ALDH6A1: variants seen among roughly 807,000 people sequenced by gnomAD.
The protein encoded by ALDH6A1 is methylmalonate-semialdehyde/malonate-semialdehyde dehydrogenase [acylating], mitochondrial.
A neutral mutation model predicts 62.6 loss-of-function variants in ALDH6A1; 43 were observed. The ratio of observed to expected loss-of-function variants is 0.69; its 90% CI spans 0.54 to 0.89. The LOEUF (loss-of-function observed/expected upper bound fraction) is 0.89, where lower values mean the gene tolerates loss of function less well. Among genes scored for constraint, ALDH6A1 ranks in the 40% least tolerant of loss-of-function variants. The pLI is 0.00. For synonymous variants in ALDH6A1, 194 were observed against 234.2 expected (o/e 0.83, Z 1.57); for missense variants, 551 against 661.3 (o/e 0.83, Z 1.83).
At chr14:74,065,431 C>CT in intron 9 of ALDH6A1, 71 bp from the exon 10 acceptor site, 1 of 1,322,388 alleles carries the variant, frequency 7.6e-7, no homozygotes, top group South Asian at 1.2e-5. Context: ...TTATTTGGTA[C>CT]TTTCACTTAC....
rs1384100747 is a variant in ALDH6A1 at position 74,060,661 on chromosome 14, A to G, written c.1589T>C (p.Met530Thr). 4 of 1,612,562 alleles carry G rather than the reference A, an allele frequency of 2.5e-6. No individual in the cohort carries two copies. The highest frequency in any genetic ancestry group is 2.7e-5 in the African/African-American group (2 of 74,920). Residue 530 changes from methionine (M) to threonine (T), a missense_variant, in exon 12 of 12, where the codon ATG (methionine) becomes ACG (threonine). Coordinates refer to ENST00000553458, the MANE Select transcript of ALDH6A1 (RefSeq NM_005589.4). ...TTGTTTCTAACGGCCCATGGTAGGC[A>G]TGACAACAGCAGGTGAGGAAAGAGT... ...DATLSSPAVVMPTMGR is the reference protein window; with the variant it reads ...DATLSSPAVVTPTMGR
rs1350719358 is a variant in ALDH6A1 at position 74,059,871 on chromosome 14, A to G, written c.*771T>C. The G allele has an allele frequency of 2.6e-5, 4 of 153,444 alleles. No individual in the cohort carries two copies. Among genetic ancestry groups the G allele is most frequent in the Non-Finnish European group, 5.8e-5 (4 of 68,952 alleles). 9.5% of individuals were successfully genotyped at this position (153,444 alleles called of 1,614,324 possible). ...ATCTTAAGCAGGAGCAGTGACAATG[A>G]TAGAATTAATAGTGGTCATGAATTA... On this transcript the variant is annotated 3_prime_UTR_variant, in exon 12 of 12. Transcript: ENST00000553458.
intron 1 of ALDH6A1, among the ~76,000 whole-genome samples, chr14:74,079,449 T>A (rs971575065): frequency 2.6e-5 from 4 of 151,284 alleles, no homozygotes; most frequent in African/African-American, 9.7e-5. Flanking sequence ...TTTTTCTTTT[T>A]TTGAGACAGA....
In ALDH6A1 at chr14:74,062,979, A is replaced by G. The variant is rs115290489; in HGVS notation, c.1503+1843T>C. On this transcript the variant is annotated intron_variant, in intron 11 of 11. Coordinates refer to ENST00000553458, the MANE Select transcript of ALDH6A1 (RefSeq NM_005589.4). The stretch of plus-strand genomic sequence containing the variant: ...TGTTCCAGGTACTGCAGATAAGTAG[A>G]TAACAACTACAGTCTGATGAGGGCT... Among the ~76,000 whole-genome samples, 955 of 152,276 alleles carry G rather than the reference A, an allele frequency of 6.3e-3. 14 individuals are homozygous for G. Among genetic ancestry groups the G allele is most frequent in the African/African-American group, 0.022 (919 of 41,556 alleles).
At chr14:74,070,835 T>C (rs1256005088) in intron 6 of ALDH6A1, 1 of 281,264 alleles carries the variant, frequency 3.6e-6, no homozygotes, top group African/African-American at 2.2e-5. Flanking sequence ...GTATTAGCTA[T>C]TATTACATGA....
intron 1 of ALDH6A1, chr14:74,078,245 C>T: frequency 4.4e-6 from 2 of 456,030 alleles, no homozygotes; most frequent in Middle Eastern, 3.3e-4. Flanking sequence ...TACTAGCAAA[C>T]CTACAAAACT....
chr14:74,078,485 C>G (rs561530125), intron 1 of ALDH6A1: 18 of 259,372 alleles, frequency 6.9e-5, no homozygotes, highest in Admixed American at 1.5e-4. Context: ...TCCCAAATAG[C>G]TGAGACCACA....
At position 74,072,556 on chromosome 14, in the gene ALDH6A1, C is replaced by G; in HGVS notation, c.167G>C (p.Trp56Ser). 6.2e-7 allele frequency: 1 copy of G among 1,614,020 alleles called. No homozygotes were observed. The change falls in exon 3 of 12, where the codon TGG becomes TCG. Residue 56 changes from tryptophan to serine, a missense_variant. Coordinates refer to ENST00000553458, the MANE Select transcript of ALDH6A1 (RefSeq NM_005589.4). ...GKFVESKSDK[W>S]IDIHNPATNE... The stretch of plus-strand genomic sequence containing the variant: ...GCTTACTGGGTTGTGGATATCGATC[C>G]ATTTGTCACTTTTGGATTCAACGAA...
In ALDH6A1 at chr14:74,057,231, T is replaced by C. The variant is rs1476086398; in HGVS notation, c.*3411A>G. 21 of 1,614,022 alleles carry C rather than the reference T, an allele frequency of 1.3e-5. No individual in the cohort carries two copies. The highest frequency in any genetic ancestry group is 1.7e-5 in the Non-Finnish European group (20 of 1,180,000). On this transcript the variant is annotated 3_prime_UTR_variant, in exon 12 of 12. Transcript: ENST00000553458. ...CTGGTGAAGTGGTGCTACCCACTAT[T>C]CCAAAAGAACCTCAGGAGTCTGACA... is the stretch of plus-strand genomic sequence containing the variant.
At chr14:74,068,771 G>A in intron 7 of ALDH6A1, 89 bp downstream of exon 7, 1 of 1,438,424 alleles carries the variant, frequency 7.0e-7, no homozygotes, top group Admixed American at 1.7e-5. Context: ...ACATTGGAGT[G>A]GGATGAGTGG....
intron 11 of ALDH6A1, among the ~76,000 whole-genome samples, chr14:74,062,470 A>T (rs1343809999): frequency 6.6e-6 from 1 of 152,014 alleles, no homozygotes; most frequent in Non-Finnish European, 1.5e-5. Flanking sequence ...GTGTGGTGGC[A>T]CGTGCCTGTA....
At chr14:74,075,492 C>T (rs2060602644) in intron 1 of ALDH6A1, among the ~76,000 whole-genome samples, 1 of 151,740 alleles carries the variant, frequency 6.6e-6, no homozygotes, top group African/African-American at 2.4e-5. Context: ...ACCTTGTCTA[C>T]AAAAAATTAA....
intron 1 of ALDH6A1, among the ~76,000 whole-genome samples, chr14:74,084,024 G>C (rs1320447592): frequency 1.3e-5 from 2 of 152,192 alleles, no homozygotes; most frequent in Admixed American, 1.3e-4. Context: ...AGGAAAGACG[G>C]TGGGCGGATG....
rs35760969 is a variant in ALDH6A1, at chr14:74,059,084, CA to C, written c.*1557del. The C allele has an allele frequency of 0.25, 12,271 of 49,740 alleles. 201 individuals are homozygous for C. The highest frequency in any genetic ancestry group is 0.28 in the Admixed American group (1,185 of 4,220). 3.1% of individuals were successfully genotyped at this position (49,740 alleles called of 1,614,324 possible). On this transcript the variant is annotated 3_prime_UTR_variant, in exon 12 of 12. Transcript: ENST00000553458. ...GGGCAACAAGAGTGAAACTCCATCTCAAAAAAAAAAAAAAAAAAAAAAGCGT... is the reference window on the plus strand; with the variant it reads ...GGGCAACAAGAGTGAAACTCCATCTCAAAAAAAAAAAAAAAAAAAAAGCGT...
intron 2 of ALDH6A1, among the ~76,000 whole-genome samples, chr14:74,073,394 C>T (rs8010434): frequency 0.029 from 4,427 of 151,758 alleles, 217 homozygotes; most frequent in African/African-American, 0.1. Flanking sequence ...CGTGAGTCAT[C>T]GTGCCCAGAC....
Position 74,057,312 on chromosome 14 carries a change from G to T in ALDH6A1, c.*3330C>A, listed in dbSNP as rs764568131. 4.3e-6 allele frequency: 7 copies of T among 1,610,854 alleles called. No homozygotes were observed. In the Admixed American group the frequency reaches 6.7e-5, roughly 15 times the overall value. ...GTATATTGTTGTCACCCTTCCCCAT[G>T]TCGCTTCTTGCTAAATCACGGTTAT... On this transcript the variant is annotated 3_prime_UTR_variant, in exon 12 of 12. Coordinates refer to ENST00000553458, the MANE Select transcript of ALDH6A1 (RefSeq NM_005589.4).
intron 11 of ALDH6A1, among the ~76,000 whole-genome samples, chr14:74,061,743 A>G (rs191057078): frequency 7.7e-4 from 117 of 152,310 alleles, no homozygotes; most frequent in Non-Finnish European, 6.8e-4. Flanking sequence ...TCAATTACCT[A>G]TAACATGTGA....
chr14:74,076,713 A>T (rs1489221435), intron 1 of ALDH6A1, among the ~76,000 whole-genome samples: 5 of 151,224 alleles, frequency 3.3e-5, no homozygotes, highest in East Asian at 2.0e-4. Context: ...ATTTTATTTT[A>T]TTTTTTTTGT....
At chr14:74,060,823 G>T in intron 11 of ALDH6A1, 77 bp from the exon 12 acceptor site, 1 of 1,012,666 alleles carries the variant, frequency 9.9e-7, no homozygotes, top group Non-Finnish European at 1.6e-6. Flanking sequence ...TTTGAAGGAG[G>T]TATTATAAAG....
Sources: allele counts gnomAD v4.1 joint callset (sites outside exome capture counted in the v4.1 genomes callset), GRCh38; gene constraint gnomAD v4.1.1; transcripts MANE v1.5; gene names NCBI Gene and HGNC (gene_info 2026-07-23, HGNC 2026-07-21).